The following PROCR variants were observed in gnomAD, a reference collection of about 807,000 sequenced individuals.
PROCR encodes endothelial protein C receptor.
In PROCR, 22 loss-of-function variants were observed where a neutral mutation model predicts 24.2. That is an observed-to-expected ratio of 0.91 (90% CI 0.65 to 1.30). PROCR has a LOEUF of 1.30. Among genes scored for constraint, PROCR ranks in the 50% most tolerant of loss-of-function variants. PROCR has a pLI of 0.00. For synonymous variants in PROCR, 137 were observed against 139.2 expected (o/e 0.98, Z 0.11); for missense variants, 288 against 307.7 (o/e 0.94, Z 0.48).
intron 2 of PROCR, among the ~76,000 whole-genome samples, chr20:35,175,603 G>C (rs1359196501): frequency 2.6e-4 from 1 of 3,808 alleles, no homozygotes; most frequent in African/African-American, 1.7e-3. Flanking sequence ...TTTTTTTTTT[G>C]AGACGGAGTC....
intron 1 of PROCR, among the ~76,000 whole-genome samples, chr20:35,207,542 T>TTTTGTTTTG (rs2060347150): frequency 1.0e-5 from 1 of 95,662 alleles, no homozygotes; most frequent in East Asian, 4.5e-4. Context: ...GTTTTGTTTT[T>TTTTGTTTTG]TTCTTGAGAT....
downstream of PROCR, among the ~76,000 whole-genome samples, chr20:35,181,974 T>C (rs1240680148): frequency 6.6e-6 from 1 of 152,210 alleles, no homozygotes; most frequent in East Asian, 1.9e-4. Flanking sequence ...CCATCACCAA[T>C]GCTGCTGCCA....
At chr20:35,174,979 G>C (rs2085995531) in intron 2 of PROCR, 26 bp downstream of exon 2, 1 of 1,464,116 alleles carries the variant, frequency 6.8e-7, no homozygotes, top group African/African-American at 1.4e-5. Flanking sequence ...GCGGGGGCGG[G>C]GTCTGGGCGG....
At chr20:35,206,599 T>C (rs985806933) in intron 1 of PROCR, among the ~76,000 whole-genome samples, 12 of 152,094 alleles carry the variant, frequency 7.9e-5, no homozygotes, top group Middle Eastern at 3.4e-3. Context: ...AAATAAATAT[T>C]TGAAAATATG....
chr20:35,175,085 G>A, intron 2 of PROCR, 132 bp downstream of exon 2: 2 of 1,095,750 alleles, frequency 1.8e-6, no homozygotes, highest in Non-Finnish European at 2.5e-6. Context: ...GGAGCTCGGT[G>A]GCGCCTGGGC....
intron 1 of PROCR, among the ~76,000 whole-genome samples, chr20:35,189,013 C>T (rs147167589): frequency 5.0e-4 from 76 of 152,148 alleles, no homozygotes; most frequent in African/African-American, 1.6e-3. Flanking sequence ...GTGATGATTG[C>T]GTTAACTGCA....
chr20:35,174,048 G>A (rs1173630681), intron 1 of PROCR, among the ~76,000 whole-genome samples: 1 of 152,166 alleles, frequency 6.6e-6, no homozygotes, highest in African/African-American at 2.4e-5. Context: ...GTAGACTGGG[G>A]TTAATAATAG....
At position 35,174,467 on chromosome 20, in the gene PROCR, C is replaced by T. The variant is rs1266360702; in HGVS notation, c.71-235C>T. The T allele has an allele frequency of 8.5e-6, 5 of 585,470 alleles. No individual in the cohort carries two copies. In the Admixed American group the frequency reaches 1.2e-4, roughly 13 times the overall value. The allele number at this position is 585,470 out of a possible 1,614,324, so 36.3% of individuals were successfully genotyped here. On this transcript the variant is annotated intron_variant, in intron 1 of 3. Transcript: ENST00000216968. ...TGAAAAAGGAGGCAGAAAGGAGTGT[C>T]TCTTCCACTGCAGGCCTCAGTTTCC...
intron 1 of PROCR, among the ~76,000 whole-genome samples, chr20:35,186,892 G>T (rs760683616): frequency 1.8e-4 from 27 of 151,662 alleles, no homozygotes; most frequent in Non-Finnish European, 3.7e-4. Context: ...GGCGGAGGTT[G>T]CAGTGAGTGG....
At chr20:35,199,113 A>G (rs1380120387) in intron 1 of PROCR, among the ~76,000 whole-genome samples, 1 of 152,200 alleles carries the variant, frequency 6.6e-6, no homozygotes, top group African/African-American at 2.4e-5. Flanking sequence ...GCAGCTGGTG[A>G]TTTTAAGTTG....
At chr20:35,196,002 G>A (rs141932846) in intron 1 of PROCR, among the ~76,000 whole-genome samples, 12,350 of 150,836 alleles carry the variant, frequency 0.082, 642 homozygotes, top group South Asian at 0.16. Context: ...GCAACATGGT[G>A]AGACCCTATC....
downstream of PROCR, among the ~76,000 whole-genome samples, chr20:35,178,440 T>C (rs1262647687): frequency 9.5e-6 from 1 of 104,916 alleles, no homozygotes; most frequent in African/African-American, 4.0e-5. Flanking sequence ...AAAAAAAGAG[T>C]ATGTGTTTTG....
rs2086026640 is a variant in PROCR at position 35,176,930 on chromosome 20, T to C, written c.*117T>C. ...ACACCAGAAGGTTTGGAGTGACAGC[T>C]CCTTTCTTCTCCCACATCTGCCCAC... On this transcript the variant is annotated 3_prime_UTR_variant, in exon 4 of 4. Transcript: ENST00000216968. 2.6e-6 allele frequency: 4 copies of C among 1,531,236 alleles called. No individual in the cohort carries two copies. The highest frequency in any genetic ancestry group is 2.0e-5 in the Admixed American group (1 of 50,368). 94.9% of individuals were successfully genotyped at this position (1,531,236 alleles called of 1,614,324 possible).
chr20:35,200,554 AT>A (rs1002098698), intron 1 of PROCR, among the ~76,000 whole-genome samples: 3 of 152,236 alleles, frequency 2.0e-5, no homozygotes, highest in South Asian at 4.1e-4. Flanking sequence ...ACAAAATGTC[AT>A]TGCATAACAC....
intron 1 of PROCR, among the ~76,000 whole-genome samples, chr20:35,214,139 T>A (rs2060372226): frequency 6.6e-6 from 1 of 152,106 alleles, no homozygotes; most frequent in African/African-American, 2.4e-5. Context: ...CTTCCCACCC[T>A]GTCCTCAAAC....
At position 35,214,809 on chromosome 20, in the gene PROCR, A is replaced by G. The variant is rs146206705; in HGVS notation, c.95-1084A>G. ...ACTCTCAAGTCATTTGGGGCTGGAC[A>G]TTGAGACTGAGTCGGGGGATTGGAC... is the stretch of plus-strand genomic sequence containing the variant. On this transcript the variant is annotated intron_variant, in intron 1 of 1. Transcript: ENST00000634509. Among the ~76,000 whole-genome samples the G allele has an allele frequency of 1.3e-4, 20 of 152,050 alleles. No homozygotes were observed. The East Asian group carries it at 3.7e-3, about 28-fold the overall frequency.
chr20:35,187,639 G>A lies in PROCR; in HGVS notation c.94+11193G>A, dbSNP rs553361728. Among the ~76,000 whole-genome samples the A allele has an allele frequency of 1.8e-4, 27 of 152,352 alleles. No homozygotes were observed. The South Asian group carries it at 3.9e-3, about 22-fold the overall frequency. On this transcript the variant is annotated intron_variant, in intron 1 of 1. Coordinates refer to the PROCR transcript ENST00000634509. Reference sequence around the variant, plus strand: ...AACAGTGGGATGAATAACTCTGACCGTTTAGGGAGAAGATATGATCCTCAT... The same window carrying A: ...AACAGTGGGATGAATAACTCTGACCATTTAGGGAGAAGATATGATCCTCAT...
intron 2 of PROCR, among the ~76,000 whole-genome samples, chr20:35,175,578 C>CTTTTTTTTTTT (rs869059685): frequency 1.8e-4 from 5 of 27,942 alleles, no homozygotes; most frequent in African/African-American, 7.9e-4. Context: ...CCCCACCCCC[C>CTTTTTTTTTTT]TTTTTTTTTT....
downstream of PROCR, among the ~76,000 whole-genome samples, chr20:35,180,703 G>A (rs2086070273): frequency 1.3e-5 from 2 of 152,058 alleles, no homozygotes; most frequent in African/African-American, 4.8e-5. Flanking sequence ...TTTCAAAATT[G>A]AGAAATTTTC....
Sources: gnomAD v4.1 joint callset for allele counts (sites outside exome capture counted in the v4.1 genomes callset) on GRCh38, gnomAD v4.1.1 for gene constraint, MANE v1.5 for transcripts, NCBI Gene and HGNC (gene_info 2026-07-23, HGNC 2026-07-21) for gene names.